The following MYT1L variants were observed in gnomAD, a reference collection of about 807,000 sequenced individuals.
MYT1L encodes the protein myelin transcription factor 1-like protein.
In MYT1L, 12 loss-of-function variants were observed where a neutral mutation model predicts 126.7. That is an observed-to-expected ratio of 0.09 (90% confidence interval 0.06 to 0.15). The LOEUF is 0.15. Ranked by LOEUF, MYT1L falls within the 10% of genes least tolerant of loss-of-function variation. The pLI, the probability that MYT1L is intolerant of heterozygous loss-of-function variation, is 1.00. For synonymous variants in MYT1L, 541 were observed against 604.2 expected (o/e 0.90, Z 1.53); for missense variants, 979 against 1,585.2 (o/e 0.62, Z 6.49).
At chr2:1,867,216 G>A (rs1460544968) in intron 18 of MYT1L, among the ~76,000 whole-genome samples, 4 of 152,060 alleles carry the variant, frequency 2.6e-5, no homozygotes, top group African/African-American at 9.7e-5. Context: ...GGGTGAGGGC[G>A]CCTGTCAGGG....
chr2:2,039,564 G>A (rs1338034430), intron 4 of MYT1L, among the ~76,000 whole-genome samples: 1 of 152,214 alleles, frequency 6.6e-6, no homozygotes, highest in East Asian at 1.9e-4. Context: ...GTGAAAAGGT[G>A]TGAATTGCTC....
intron 3 of MYT1L, among the ~76,000 whole-genome samples, chr2:2,110,153 C>G (rs71442318): frequency 0.035 from 5,333 of 151,516 alleles, 104 homozygotes; most frequent in East Asian, 0.074. Context: ...TACCTGAGGT[C>G]GTGCCATAAC....
chr2:1,886,819 GAT>G (rs1463609448), intron 17 of MYT1L, among the ~76,000 whole-genome samples: 4 of 152,010 alleles, frequency 2.6e-5, no homozygotes, highest in Admixed American at 6.5e-5. Context: ...TTAAAAATAA[GAT>G]AAAACATTTG....
At chr2:1,898,457 A>G (rs2049904625) in intron 14 of MYT1L, among the ~76,000 whole-genome samples, 1 of 152,228 alleles carries the variant, frequency 6.6e-6, no homozygotes, top group Non-Finnish European at 1.5e-5. Flanking sequence ...GCTAGAGTTG[A>G]GCTGATGTCC....
intron 1 of MYT1L, among the ~76,000 whole-genome samples, chr2:2,292,510 T>A (rs1559572571): frequency 6.6e-6 from 1 of 152,170 alleles, no homozygotes; most frequent in South Asian, 2.1e-4. Context: ...GTGACACGGT[T>A]TCTGGACAGG....
chr2:2,045,947 G>A (rs1340919785), intron 4 of MYT1L, among the ~76,000 whole-genome samples: 2 of 152,090 alleles, frequency 1.3e-5, no homozygotes, highest in South Asian at 4.1e-4. Flanking sequence ...ACCTGCTGTG[G>A]GGTCCTTAGC....
intron 3 of MYT1L, among the ~76,000 whole-genome samples, chr2:2,091,825 C>T (rs1026391156): frequency 4.6e-5 from 7 of 152,232 alleles, no homozygotes; most frequent in African/African-American, 1.7e-4. Flanking sequence ...GAGATGACTT[C>T]TTTCCTTGAA....
At chr2:2,043,184 C>T (rs1441678871) in intron 4 of MYT1L, among the ~76,000 whole-genome samples, 3 of 152,120 alleles carry the variant, frequency 2.0e-5, no homozygotes, top group African/African-American at 7.2e-5. Context: ...GCTTCTATGC[C>T]CTGTGGATGA....
intron 3 of MYT1L, among the ~76,000 whole-genome samples, chr2:2,139,389 G>A (rs2083590535): frequency 6.6e-6 from 1 of 151,960 alleles, no homozygotes; most frequent in Admixed American, 6.6e-5. Flanking sequence ...GGAGGCCGAG[G>A]TGGGTGGATC....
intron 22 of MYT1L, among the ~76,000 whole-genome samples, chr2:1,803,854 G>A (rs554212908): frequency 2.0e-5 from 3 of 152,204 alleles, no homozygotes; most frequent in African/African-American, 4.8e-5. Flanking sequence ...TCTGTAGGAC[G>A]AGGGTATGTG....
At chr2:2,145,733 T>C (rs541325117) in intron 3 of MYT1L, among the ~76,000 whole-genome samples, 6 of 152,186 alleles carry the variant, frequency 3.9e-5, no homozygotes, top group Admixed American at 1.3e-4. Flanking sequence ...CAGCAGACTT[T>C]TAAAAAAATT....
chr2:2,109,875 T>TTATATATATATATATATATATATATA (rs58549168), intron 3 of MYT1L, among the ~76,000 whole-genome samples: 1 of 63,874 alleles, frequency 1.6e-5, no homozygotes, highest in Non-Finnish European at 2.9e-5. Flanking sequence ...AGTGCTGATT[T>TTATATATATATATATATATATATATA]TATATATATA....
At chr2:2,126,019 A>G (rs2081641405) in intron 3 of MYT1L, among the ~76,000 whole-genome samples, 1 of 152,194 alleles carries the variant, frequency 6.6e-6, no homozygotes, top group Non-Finnish European at 1.5e-5. Flanking sequence ...TGGTGGACAC[A>G]ACATTCCCCT....
At chr2:1,842,697 C>A (rs961165956) in intron 19 of MYT1L, 1 of 152,832 alleles carries the variant, frequency 6.5e-6, no homozygotes, top group East Asian at 1.9e-4. Context: ...TCACGTCCAC[C>A]CCTGCACCCC....
chr2:1,831,549 G>A (rs1178113242), intron 21 of MYT1L, among the ~76,000 whole-genome samples: 4 of 151,980 alleles, frequency 2.6e-5, no homozygotes, highest in African/African-American at 9.7e-5. Context: ...TCTGACTCTC[G>A]TCCTATCTCA....
At chr2:2,048,383 T>C (rs1004652655) in intron 4 of MYT1L, among the ~76,000 whole-genome samples, 67 of 152,360 alleles carry the variant, frequency 4.4e-4, no homozygotes, top group African/African-American at 1.4e-3. Flanking sequence ...TTCCTACTTC[T>C]GTTCCAAGGG....
At chr2:2,015,087 C>G (rs1268257033) in intron 4 of MYT1L, among the ~76,000 whole-genome samples, 1 of 152,142 alleles carries the variant, frequency 6.6e-6, no homozygotes, top group Non-Finnish European at 1.5e-5. Context: ...GCACTTGTAT[C>G]CATAGATACC....
intron 4 of MYT1L, among the ~76,000 whole-genome samples, chr2:2,024,958 C>A (rs1420480716): frequency 1.3e-5 from 2 of 152,276 alleles, no homozygotes; most frequent in African/African-American, 2.4e-5. Context: ...GCTGCCCGTG[C>A]CCAGGCCTGA....
intron 2 of MYT1L, among the ~76,000 whole-genome samples, chr2:2,230,669 C>T (rs953952496): frequency 1.3e-5 from 2 of 152,152 alleles, no homozygotes; most frequent in East Asian, 1.9e-4. Flanking sequence ...TCTGGGCTGT[C>T]AGCGGGCTCC....
Sources: gnomAD v4.1 joint callset for allele counts (sites outside exome capture counted in the v4.1 genomes callset) on GRCh38, gnomAD v4.1.1 for gene constraint, MANE v1.5 for transcripts, NCBI Gene and HGNC (gene_info 2026-07-23, HGNC 2026-07-21) for gene names.